CAMK1D: variants seen among roughly 807,000 people sequenced by gnomAD.
CAMK1D encodes calcium/calmodulin dependent protein kinase ID, also known as calcium/calmodulin-dependent protein kinase type 1D.
In CAMK1D, 9 loss-of-function variants were observed where a neutral mutation model predicts 47.7. That is an observed-to-expected ratio of 0.19 (90% CI 0.11 to 0.33). The LOEUF (loss-of-function observed/expected upper bound fraction) is 0.33, where lower values mean the gene tolerates loss of function less well. CAMK1D is among the 10% of genes least tolerant of loss of function. CAMK1D has a pLI of 1.00. For synonymous variants in CAMK1D, 184 were observed against 184.9 expected, an observed-to-expected ratio of 0.99 and a Z score of 0.04; for missense variants, 291 against 488.7, an observed-to-expected ratio of 0.60 and a Z score of 3.81.
intron 1 of CAMK1D, among the ~76,000 whole-genome samples, chr10:12,533,643 G>A (rs1431766959): frequency 1.3e-5 from 2 of 152,036 alleles, no homozygotes; most frequent in South Asian, 2.1e-4. Context: ...TGAAAATGAC[G>A]CAGGCCCTCC....
chr10:12,462,399 T>C (rs967798931), intron 1 of CAMK1D, among the ~76,000 whole-genome samples: 1 of 151,894 alleles, frequency 6.6e-6, no homozygotes, highest in Non-Finnish European at 1.5e-5. Context: ...CTCTTGACCT[T>C]GTGATCCGCC....
chr10:12,748,533 G>GA (rs1835786208), intron 3 of CAMK1D, among the ~76,000 whole-genome samples: 1 of 152,110 alleles, frequency 6.6e-6, no homozygotes, highest in African/African-American at 2.4e-5. Flanking sequence ...TCTGGAATGT[G>GA]AATAAAAACA....
intron 1 of CAMK1D, among the ~76,000 whole-genome samples, chr10:12,370,669 G>A (rs1009719368): frequency 5.3e-5 from 8 of 152,110 alleles, no homozygotes; most frequent in African/African-American, 1.7e-4. Flanking sequence ...CTGCGGTGGC[G>A]TGATCTTGGC....
intron 1 of CAMK1D, among the ~76,000 whole-genome samples, chr10:12,548,958 C>G (rs991039289): frequency 6.6e-6 from 1 of 152,206 alleles, no homozygotes; most frequent in African/African-American, 2.4e-5. Flanking sequence ...TGGGCTCAAA[C>G]GATTCTCCCA....
intron 3 of CAMK1D, among the ~76,000 whole-genome samples, chr10:12,713,891 T>C (rs987650727): frequency 1.3e-5 from 2 of 152,258 alleles, no homozygotes; most frequent in Admixed American, 6.5e-5. Context: ...AGTGGGCTCA[T>C]GTTGGCTAAG....
At chr10:12,785,258 G>A (rs1237326744) in intron 5 of CAMK1D, among the ~76,000 whole-genome samples, 2 of 152,222 alleles carry the variant, frequency 1.3e-5, no homozygotes, top group Non-Finnish European at 2.9e-5. Context: ...TTGAGGGGAT[G>A]TGCCTTCTGT....
intron 1 of CAMK1D, among the ~76,000 whole-genome samples, chr10:12,419,669 C>T (rs866238310): frequency 2.0e-5 from 3 of 151,168 alleles, no homozygotes; most frequent in African/African-American, 7.3e-5. Context: ...CACACACACA[C>T]GCAAAAATAG....
chr10:12,606,225 G>A (rs753785874), intron 2 of CAMK1D, among the ~76,000 whole-genome samples: 7 of 152,122 alleles, frequency 4.6e-5, no homozygotes, highest in South Asian at 2.1e-4. Context: ...CCTCTGAATC[G>A]GGCATCACTT....
intron 1 of CAMK1D, among the ~76,000 whole-genome samples, chr10:12,504,915 G>A (rs910559196): frequency 3.3e-5 from 5 of 152,152 alleles, no homozygotes; most frequent in African/African-American, 4.8e-5. Context: ...GTGTGGGCCC[G>A]GATCTCTTGC....
At chr10:12,773,442 C>T (rs1194099550) in intron 5 of CAMK1D, among the ~76,000 whole-genome samples, 1 of 152,220 alleles carries the variant, frequency 6.6e-6, no homozygotes, top group Non-Finnish European at 1.5e-5. Context: ...AGATTGCTTA[C>T]AATACCTGAT....
At chr10:12,632,936 G>A (rs1364201544) in intron 2 of CAMK1D, among the ~76,000 whole-genome samples, 1 of 151,992 alleles carries the variant, frequency 6.6e-6, no homozygotes, top group Admixed American at 6.6e-5. Flanking sequence ...CTCATGATCC[G>A]CCCACCTCAG....
chr10:12,462,543 A>G (rs1021301835), intron 1 of CAMK1D, among the ~76,000 whole-genome samples: 2 of 152,142 alleles, frequency 1.3e-5, no homozygotes, highest in African/African-American at 4.8e-5. Flanking sequence ...CATCTAACAG[A>G]ATTGTTGTAA....
intron 2 of CAMK1D, among the ~76,000 whole-genome samples, chr10:12,583,146 A>T (rs1402188279): frequency 6.6e-6 from 1 of 152,152 alleles, no homozygotes; most frequent in East Asian, 1.9e-4. Flanking sequence ...GGGGAAGATT[A>T]TCTAGTATTG....
At chr10:12,427,667 T>A (rs1345705556) in intron 1 of CAMK1D, among the ~76,000 whole-genome samples, 1 of 146,736 alleles carries the variant, frequency 6.8e-6, no homozygotes, top group South Asian at 2.2e-4. Context: ...TTCATGGGGC[T>A]GGAGATACTT....
chr10:12,540,507 A>G (rs565743275), intron 1 of CAMK1D, among the ~76,000 whole-genome samples: 2 of 152,224 alleles, frequency 1.3e-5, no homozygotes, highest in African/African-American at 2.4e-5. Context: ...TGTTAACAGT[A>G]AAGACTTAGT....
intron 1 of CAMK1D, among the ~76,000 whole-genome samples, chr10:12,407,177 G>T (rs763828012): frequency 3.3e-5 from 5 of 152,186 alleles, no homozygotes; most frequent in Non-Finnish European, 4.4e-5. Flanking sequence ...TTCATGGCCA[G>T]ACCTCTCCAT....
intron 1 of CAMK1D, among the ~76,000 whole-genome samples, chr10:12,462,457 C>T (rs1466732860): frequency 7.2e-6 from 1 of 139,744 alleles, no homozygotes; most frequent in South Asian, 2.3e-4. Context: ...AGCCACTGCG[C>T]CTGGCCAAGA....
intron 3 of CAMK1D, among the ~76,000 whole-genome samples, chr10:12,670,548 A>G (rs1049516973): frequency 2.1e-5 from 3 of 141,086 alleles, no homozygotes; most frequent in Non-Finnish European, 3.2e-5. Context: ...AAAGTGTACA[A>G]TGAAATTTTT....
intron 1 of CAMK1D, among the ~76,000 whole-genome samples, chr10:12,376,384 G>A (rs1588420712): frequency 6.6e-6 from 1 of 152,072 alleles, no homozygotes; most frequent in Non-Finnish European, 1.5e-5. Context: ...ACCTAGATCT[G>A]TGTGAAGAAG....
Sources: allele counts gnomAD v4.1 joint callset (sites outside exome capture counted in the v4.1 genomes callset), GRCh38; gene constraint gnomAD v4.1.1; transcripts MANE v1.5; gene names NCBI Gene and HGNC (gene_info 2026-07-23, HGNC 2026-07-21).